Variants in ASDURF observed in about 807,000 individuals in gnomAD.
ASDURF encodes ASDURF protein.
Under a neutral mutation model 3.3 loss-of-function variants are expected in ASDURF, and 3 were observed. The observed-to-expected ratio is 0.92, with a 90% CI of 0.42 to 2.37. The LOEUF (loss-of-function observed/expected upper bound fraction) is 2.37. Ranked by LOEUF, ASDURF falls within the 30% of genes most tolerant of loss-of-function variation. The pLI is 0.05. For synonymous variants in ASDURF, 11 were observed against 8.3 expected, an observed-to-expected ratio of 1.32 and a Z score of -0.55; for missense variants, 23 against 25.4, an observed-to-expected ratio of 0.90 and a Z score of 0.21.
At position 189,666,158 on chromosome 2, in the gene ASDURF, A is replaced by G. The variant is rs2032796585; in HGVS notation, c.*47A>G. On this transcript the variant is annotated 3_prime_UTR_variant, in exon 4 of 4. Transcript: ENST00000607829. Reference sequence around the variant, plus strand: ...ATGTGTGGCATTTGTTGTTCTGTAAACTTTTCTGCTGAGCATTTCAGTCAA... The same window carrying G: ...ATGTGTGGCATTTGTTGTTCTGTAAGCTTTTCTGCTGAGCATTTCAGTCAA... The G allele has an allele frequency of 1.3e-6, 2 of 1,584,424 alleles. No individual in the cohort carries two copies. The highest frequency in any genetic ancestry group is 3.7e-5 in the Admixed American group (2 of 54,272).
chr2:189,663,473 G>C (rs142096153), intron 1 of ASDURF, among the ~76,000 whole-genome samples: 1 of 151,938 alleles, frequency 6.6e-6, no homozygotes, highest in Admixed American at 6.6e-5. Context: ...GGCTGGTCTC[G>C]AACTCCCGAC....
chr2:189,665,456 G>GT lies in ASDURF; in HGVS notation c.220+11dup. ...AAATGCTGTCTGAGAGCAAGAGTAA[G>GT]TTTTTTCTTTTTTGGGGTTTTTGGG... On this transcript the variant is annotated splice_donor_region_variant and intron_variant, in intron 3 of 3. Coordinates refer to ENST00000607829, the MANE Select transcript of ASDURF (RefSeq NM_001353493.2). The GT allele has an allele frequency of 2.5e-6, 1 of 397,426 alleles. No homozygotes were observed. Among genetic ancestry groups the GT allele is most frequent in the Non-Finnish European group, 4.4e-6 (1 of 225,504 alleles). 24.6% of individuals were successfully genotyped at this position (397,426 alleles called of 1,614,324 possible). A position where few individuals can be genotyped will look rare whatever the true frequency, so the allele number is the denominator to read the frequency against.
At position 189,665,446 on chromosome 2, in the gene ASDURF, G is replaced by A; in HGVS notation, c.215G>A (p.Ser72Asn). The A allele has an allele frequency of 2.5e-6, 1 of 397,616 alleles. No homozygotes were observed. The allele number at this position is 397,616 out of a possible 1,614,324, so 24.6% of individuals were successfully genotyped here. ...GACCGAACAGAAATGCTGTCTGAGA[G>A]CAAGAGTAAGTTTTTTCTTTTTTGG... ...LADRTEMLSE[S>N]KNILDELKKE... The change falls in exon 3 of 4, where the codon AGC becomes AAC. Residue 72 changes from serine (S) to asparagine (N), a missense_variant. By Grantham distance (46) the Ser-to-Asn change is conservative. Coordinates refer to ENST00000607829, the MANE Select transcript of ASDURF (RefSeq NM_001353493.2).
rs2032752783 is a variant in ASDURF, at chr2:189,664,978, AT to A, written c.145-395del. ...GATGGTAACACCTTAAATGTCTAGT[AT>A]TTGAAGCTGAGCAAATAAACTGTAA... On this transcript the variant is annotated intron_variant, in intron 2 of 3. Transcript: ENST00000607829. 2.0e-5 allele frequency among the ~76,000 whole-genome samples: 3 copies of A among 152,346 alleles called. No individual in the cohort carries two copies. In the East Asian group the frequency reaches 5.8e-4, roughly 29 times the overall value.
Position 189,666,060 on chromosome 2 carries a change from A to G in ASDURF, c.240A>G (p.Lys80=). ...CAACAGATATATTGGATGAACTGAA[A>G]AAAGAATACCAAGAAATAGAAAACT... ...SESKNILDEL[K]KEYQEIENLD... The change falls in exon 4 of 4, where the codon AAA becomes AAG. Residue 80 remains lysine (K), a synonymous_variant. Coordinates refer to ENST00000607829, the MANE Select transcript of ASDURF (RefSeq NM_001353493.2). 1 of 1,445,590 alleles carries G rather than the reference A, an allele frequency of 6.9e-7. No homozygotes were observed. The highest frequency in any genetic ancestry group is 1.5e-5 in the South Asian group (1 of 66,558). 89.5% of individuals were successfully genotyped at this position (1,445,590 alleles called of 1,614,324 possible).
intron 3 of ASDURF, among the ~76,000 whole-genome samples, 193 bp downstream of exon 3, chr2:189,665,644 A>G (rs182459123): frequency 0.017 from 2,161 of 123,618 alleles, 167 homozygotes; most frequent in African/African-American, 0.049. Context: ...ATATATATAT[A>G]TATTATAAAT....
intron 1 of ASDURF, among the ~76,000 whole-genome samples, chr2:189,662,204 A>G (rs1479731598): frequency 6.6e-6 from 1 of 152,212 alleles, no homozygotes; most frequent in Non-Finnish European, 1.5e-5. Flanking sequence ...GTTGTCACTC[A>G]TACCAAACTG....
At chr2:189,661,957 G>A (rs4531962) in intron 1 of ASDURF, among the ~76,000 whole-genome samples, 16,555 of 152,056 alleles carry the variant, frequency 0.11, 1,388 homozygotes, top group African/African-American at 0.23. Context: ...AACCATGCCA[G>A]CAACCCGGGG....
At chr2:189,665,938 A>G (rs1349235409) in intron 3 of ASDURF, 103 bp from the exon 4 acceptor site, 3 of 519,430 alleles carry the variant, frequency 5.8e-6, no homozygotes, top group Admixed American at 3.7e-5. Flanking sequence ...GTGTGTTTAT[A>G]TGGTTTGATT....
Position 189,661,480 on chromosome 2 carries a change from T to C in ASDURF, c.-41T>C, listed in dbSNP as rs760100597. ...CGCTGTGGCTAATGCCGTAGGCTCC[T>C]TCAGGGCTGAGCCATCCCGCGTGTC... is the stretch of plus-strand genomic sequence containing the variant. On this transcript the variant is annotated 5_prime_UTR_variant, in exon 1 of 4. Transcript: ENST00000607829. The C allele has an allele frequency of 7.5e-6, 3 of 399,004 alleles. No individual in the cohort carries two copies. Among genetic ancestry groups the C allele is most frequent in the Non-Finnish European group, 1.3e-5 (3 of 226,154 alleles). The allele number at this position is 399,004 out of a possible 1,614,324, so 24.7% of individuals were successfully genotyped here. A position where few individuals can be genotyped will look rare whatever the true frequency, so the allele number is the denominator to read the frequency against.
intron 2 of ASDURF, 98 bp downstream of exon 2, chr2:189,664,052 TTTAA>T (rs2105683108): frequency 2.9e-6 from 1 of 344,584 alleles, no homozygotes; most frequent in South Asian, 1.5e-4. Context: ...TTAATCATAC[TTTAA>T]TAAAATGTAT....
In ASDURF at chr2:189,665,894, CTGT is replaced by C. The variant is rs557755286; in HGVS notation, c.221-142_221-140del. The stretch of plus-strand genomic sequence containing the variant: ...AAGATAAACATTCTTTATTAGTAGC[CTGT>C]TGTTAATTATCATTGGTACTGGCAC... On this transcript the variant is annotated intron_variant, in intron 3 of 3. Transcript: ENST00000607829. 2.9e-5 allele frequency: 12 copies of C among 417,506 alleles called. No homozygotes were observed. The South Asian group carries it at 1.1e-3, about 37-fold the overall frequency. The allele number at this position is 417,506 out of a possible 1,614,324, so 25.9% of individuals were successfully genotyped here.
rs780643376 is a variant in ASDURF, at chr2:189,666,152, C to A, written c.*41C>A. ...ATAACAATGTGTGGCATTTGTTGTT[C>A]TGTAAACTTTTCTGCTGAGCATTTC... On this transcript the variant is annotated 3_prime_UTR_variant, in exon 4 of 4. Coordinates refer to ENST00000607829, the MANE Select transcript of ASDURF (RefSeq NM_001353493.2). The A allele has an allele frequency of 1.9e-6, 3 of 1,579,658 alleles. No homozygotes were observed. Among genetic ancestry groups the A allele is most frequent in the Non-Finnish European group, 2.6e-6 (3 of 1,164,286 alleles).
Position 189,666,208 on chromosome 2 carries a change from A to C in ASDURF, c.*97A>C. 6.2e-7 allele frequency: 1 copy of C among 1,612,656 alleles called. No homozygotes were observed. The highest frequency in any genetic ancestry group is 8.5e-7 in the Non-Finnish European group (1 of 1,179,624). On this transcript the variant is annotated 3_prime_UTR_variant, in exon 4 of 4. Coordinates refer to ENST00000607829, the MANE Select transcript of ASDURF (RefSeq NM_001353493.2). ...AGATTTAAAAGAGGACTTACTATAT[A>C]ATCTTAAACAGCGGGGACCCAATAG...
chr2:189,662,660 T>A (rs1190370838), intron 1 of ASDURF, among the ~76,000 whole-genome samples: 1 of 152,164 alleles, frequency 6.6e-6, no homozygotes, highest in Non-Finnish European at 1.5e-5. Flanking sequence ...GAGGTGTGTG[T>A]GAGGTAGCAC....
At chr2:189,663,036 G>T (rs2032704276) in intron 1 of ASDURF, among the ~76,000 whole-genome samples, 1 of 151,290 alleles carries the variant, frequency 6.6e-6, no homozygotes, top group South Asian at 2.1e-4. Flanking sequence ...TACCAAGATG[G>T]AACATGATAG....
intron 1 of ASDURF, 128 bp from the exon 2 acceptor site, chr2:189,663,773 C>G (rs2032726841): frequency 8.9e-6 from 3 of 337,742 alleles, no homozygotes; most frequent in Non-Finnish European, 1.6e-5. Context: ...TCACAAACTG[C>G]CCGTTTGGAA....
In ASDURF at chr2:189,666,292, C is replaced by T. The variant is rs2032801464; in HGVS notation, c.*181C>T. ...CCAGTGTTTATTTTCTGCTCACGTC[C>T]TACACTTGAGGGGTGTTTTGACTAC... On this transcript the variant is annotated 3_prime_UTR_variant, in exon 4 of 4. Coordinates refer to ENST00000607829, the MANE Select transcript of ASDURF (RefSeq NM_001353493.2). The T allele has an allele frequency of 6.2e-7, 1 of 1,614,056 alleles. No individual in the cohort carries two copies. Among genetic ancestry groups the T allele is most frequent in the Non-Finnish European group, 8.5e-7 (1 of 1,179,988 alleles).
In ASDURF at chr2:189,666,231, T is replaced by C. The variant is rs2032799307; in HGVS notation, c.*120T>C. On this transcript the variant is annotated 3_prime_UTR_variant, in exon 4 of 4. Coordinates refer to ENST00000607829, the MANE Select transcript of ASDURF (RefSeq NM_001353493.2). ...ATAATCTTAAACAGCGGGGACCCAA[T>C]AGTAGTAAACAATTGTTAAAGTCTG... The C allele has an allele frequency of 1.2e-6, 2 of 1,613,988 alleles. No homozygotes were observed. Among genetic ancestry groups the C allele is most frequent in the African/African-American group, 2.7e-5 (2 of 74,934 alleles).
Sources: gnomAD v4.1 joint callset for allele counts (sites outside exome capture counted in the v4.1 genomes callset) on GRCh38, gnomAD v4.1.1 for gene constraint, MANE v1.5 for transcripts, NCBI Gene and HGNC (gene_info 2026-07-23, HGNC 2026-07-21) for gene names.